TPD52: variants seen among roughly 807,000 people sequenced by gnomAD.
The protein encoded by TPD52 is prostate and colon associated protein.
TPD52 carries 17 observed loss-of-function variants against 31.3 expected under a neutral mutation model. That is an observed-to-expected ratio of 0.54 (90% confidence interval 0.37 to 0.82). TPD52 has a LOEUF of 0.82. TPD52 is among the 40% of genes least tolerant of loss of function. The pLI is 0.00. For missense variants in TPD52, 212 were observed against 240.1 expected (o/e 0.88, Z 0.77); for synonymous variants, 83 against 89.6 (o/e 0.93, Z 0.42).
intron 6 of TPD52, among the ~76,000 whole-genome samples, chr8:80,043,185 A>C (rs1810539901): frequency 6.6e-6 from 1 of 152,208 alleles, no homozygotes; most frequent in African/African-American, 2.4e-5. Context: ...GGGACCAAAA[A>C]GAAGGGGGAG....
chr8:80,074,511 C>T (rs1440814114), intron 1 of TPD52, among the ~76,000 whole-genome samples: 1 of 152,188 alleles, frequency 6.6e-6, no homozygotes, highest in Non-Finnish European at 1.5e-5. Flanking sequence ...AGGCACGGCA[C>T]CACGGGCGTC....
intron 2 of TPD52, among the ~76,000 whole-genome samples, chr8:80,055,767 C>T (rs1183540226): frequency 1.3e-5 from 2 of 152,004 alleles, no homozygotes; most frequent in African/African-American, 2.4e-5. Context: ...ATATAAATGG[C>T]CAACAAATAT....
chr8:80,060,456 T>C (rs1257458508), intron 2 of TPD52, among the ~76,000 whole-genome samples: 1 of 152,112 alleles, frequency 6.6e-6, no homozygotes, highest in Admixed American at 6.6e-5. Flanking sequence ...GGACAAACCT[T>C]TTCAAACTCT....
chr8:80,070,986 A>C (rs556025846), intron 1 of TPD52, among the ~76,000 whole-genome samples: 1 of 152,216 alleles, frequency 6.6e-6, no homozygotes, highest in Non-Finnish European at 1.5e-5. Context: ...AGAGACTCAG[A>C]GAAGAGATTA....
chr8:80,084,557 G>A (rs1324141881), intron 1 of TPD52, among the ~76,000 whole-genome samples: 5 of 152,202 alleles, frequency 3.3e-5, no homozygotes, highest in East Asian at 1.9e-4. Context: ...AAGGGATGGC[G>A]CAGCAGCATC....
chr8:80,129,602 T>C (rs1342257734), intron 1 of TPD52, among the ~76,000 whole-genome samples: 1 of 152,190 alleles, frequency 6.6e-6, no homozygotes, highest in African/African-American at 2.4e-5. Context: ...AACCACAATG[T>C]ATGTTCCATA....
intron 7 of TPD52, chr8:80,042,073 A>G: frequency 8.3e-6 from 5 of 603,238 alleles, no homozygotes; most frequent in Non-Finnish European, 1.0e-5. Context: ...TGGGCAACAG[A>G]GTGAGACTCC....
chr8:80,069,017 T>C (rs936995491), intron 1 of TPD52, among the ~76,000 whole-genome samples: 1 of 152,176 alleles, frequency 6.6e-6, no homozygotes, highest in Non-Finnish European at 1.5e-5. Context: ...AGAATAGACA[T>C]AGATTACTCC....
rs976235428 is a variant in TPD52, at chr8:80,037,059, A to C, written c.*1057T>G. The stretch of plus-strand genomic sequence containing the variant: ...CATTTTACAGTTTCCAACACATTGA[A>C]AACAAGTAGAAAATGATGAGTTGAT... On this transcript the variant is annotated 3_prime_UTR_variant, in exon 8 of 8. Coordinates refer to ENST00000518937, the MANE Select transcript of TPD52 (RefSeq NM_001025253.3). The C allele has an allele frequency of 2.6e-5, 4 of 152,626 alleles. No individual in the cohort carries two copies. Among genetic ancestry groups the C allele is most frequent in the African/African-American group, 7.2e-5 (3 of 41,462 alleles). The allele number at this position is 152,626 out of a possible 1,614,324, so 9.5% of individuals were successfully genotyped here.
At chr8:80,049,736 C>T (rs1422698068) in intron 5 of TPD52, among the ~76,000 whole-genome samples, 1 of 152,194 alleles carries the variant, frequency 6.6e-6, no homozygotes, top group Non-Finnish European at 1.5e-5. Context: ...TCCTCAACAT[C>T]ACAAAGTCTC....
intron 1 of TPD52, chr8:80,080,598 A>C: frequency 7.2e-7 from 1 of 1,387,056 alleles, no homozygotes. Context: ...TTCTGGGCCC[A>C]GGTGCCAGCA....
At chr8:80,141,791 T>A (rs950628738) in intron 1 of TPD52, among the ~76,000 whole-genome samples, 1 of 151,980 alleles carries the variant, frequency 6.6e-6, no homozygotes, top group African/African-American at 2.4e-5. Context: ...GGGCCTGTTG[T>A]CCCAGCTACT....
chr8:80,061,374 AC>A (rs1277248452), intron 2 of TPD52, among the ~76,000 whole-genome samples: 4 of 39,244 alleles, frequency 1.0e-4, no homozygotes, highest in African/African-American at 1.7e-4. Flanking sequence ...CTTCCCCCCC[AC>A]CGCCCCCCCC....
intron 1 of TPD52, among the ~76,000 whole-genome samples, chr8:80,131,934 T>C (rs2131087368): frequency 7.0e-6 from 1 of 142,918 alleles, no homozygotes; most frequent in African/African-American, 2.9e-5. Flanking sequence ...CCAACTCTCC[T>C]ACTGATTAGA....
chr8:80,063,724 G>C (rs1410592226), intron 2 of TPD52, among the ~76,000 whole-genome samples: 1 of 151,776 alleles, frequency 6.6e-6, no homozygotes, highest in Non-Finnish European at 1.5e-5. Flanking sequence ...TTGAACCCAG[G>C]AGCCAGAGGT....
At chr8:80,119,867 TC>T (rs1808131910) in intron 1 of TPD52, 1 of 409,648 alleles carries the variant, frequency 2.4e-6, no homozygotes, top group Admixed American at 3.0e-5. Flanking sequence ...AGCCAGAAAT[TC>T]CAGATGAAAT....
chr8:80,072,435 G>A (rs1813960242), intron 1 of TPD52, among the ~76,000 whole-genome samples: 1 of 102,284 alleles, frequency 9.8e-6, no homozygotes. Flanking sequence ...ACATAGATAT[G>A]CGTGTATATA....
chr8:80,091,606 T>G (rs1372543296), intron 1 of TPD52, among the ~76,000 whole-genome samples: 1 of 152,244 alleles, frequency 6.6e-6, no homozygotes, highest in Admixed American at 6.5e-5. Context: ...GTCATATACT[T>G]AATTAGATAC....
intron 1 of TPD52, among the ~76,000 whole-genome samples, chr8:80,118,619 C>T (rs1586334407): frequency 6.6e-6 from 1 of 152,194 alleles, no homozygotes; most frequent in Non-Finnish European, 1.5e-5. Flanking sequence ...TGCAAAGAAT[C>T]TGAATAAATC....
Sources: gnomAD v4.1 joint callset for allele counts (sites outside exome capture counted in the v4.1 genomes callset) on GRCh38, gnomAD v4.1.1 for gene constraint, MANE v1.5 for transcripts, NCBI Gene and HGNC (gene_info 2026-07-23, HGNC 2026-07-21) for gene names.